XKR6: variants seen among roughly 807,000 people sequenced by gnomAD.
XKR6 encodes the protein XK-related protein 6.
XKR6 carries 22 observed loss-of-function variants against 56.7 expected under a neutral mutation model. The ratio of observed to expected loss-of-function variants is 0.39; its 90% confidence interval spans 0.28 to 0.55. The LOEUF is 0.55. Among genes scored for constraint, XKR6 ranks in the 20% least tolerant of loss-of-function variants. The probability of loss-of-function intolerance (pLI) is 0.66; values close to 1 mark genes in which losing one functional copy is unlikely to be tolerated. For synonymous variants in XKR6, 524 were observed against 387.8 expected, an observed-to-expected ratio of 1.35 and a Z score of -4.13; for missense variants, 852 against 889.0, an observed-to-expected ratio of 0.96 and a Z score of 0.53.
intron 1 of XKR6, among the ~76,000 whole-genome samples, chr8:11,098,467 C>T (rs749603995): frequency 6.6e-6 from 1 of 152,078 alleles, no homozygotes; most frequent in Non-Finnish European, 1.5e-5. Context: ...TTCTCACTCA[C>T]GGAATACGAG....
intron 2 of XKR6, among the ~76,000 whole-genome samples, chr8:10,899,436 C>T (rs552988620): frequency 3.0e-4 from 45 of 152,354 alleles, no homozygotes; most frequent in Non-Finnish European, 5.0e-4. Flanking sequence ...CCTCACCTCA[C>T]TCAAAGTCCC....
chr8:10,991,349 G>A (rs905825627), intron 1 of XKR6, among the ~76,000 whole-genome samples: 1 of 152,304 alleles, frequency 6.6e-6, no homozygotes, highest in East Asian at 1.9e-4. Flanking sequence ...AGCGTTCAAA[G>A]CTTTCCTGTA....
chr8:10,897,985 G>C lies in XKR6; in HGVS notation c.1893C>G (p.Leu631=). ...AAGACTCATACTGTAGCAACTCATA[G>C]AGGAGTGGTCCGTCTCGATATCGAA... The part of the protein sequence containing the change: ...VGIRYRDGPL[L]YELLQYESSL The change falls in exon 3 of 3, where the codon CTC becomes CTG. Residue 631 remains leucine (L), a synonymous_variant. Coordinates refer to ENST00000416569, the MANE Select transcript of XKR6 (RefSeq NM_173683.4). 1 of 1,603,918 alleles carries C rather than the reference G, an allele frequency of 6.2e-7. No homozygotes were observed.
chr8:11,001,496 T>C (rs1398178894), intron 1 of XKR6, among the ~76,000 whole-genome samples: 2 of 152,208 alleles, frequency 1.3e-5, no homozygotes, highest in Non-Finnish European at 2.9e-5. Context: ...TTTATCCCAA[T>C]TGAGCAGAAA....
chr8:11,181,469 T>G (rs1802978773), intron 1 of XKR6, among the ~76,000 whole-genome samples: 1 of 152,242 alleles, frequency 6.6e-6, no homozygotes, highest in Non-Finnish European at 1.5e-5. Flanking sequence ...ATAGTTTTCT[T>G]CTGGTTCCAC....
At chr8:11,091,127 G>A (rs949775043) in intron 1 of XKR6, among the ~76,000 whole-genome samples, 3 of 152,106 alleles carry the variant, frequency 2.0e-5, no homozygotes, top group African/African-American at 7.2e-5. Flanking sequence ...AAGGGCTATT[G>A]CTAGAGAAAA....
chr8:10,997,279 CAAGA>C (rs2129142028), intron 1 of XKR6, among the ~76,000 whole-genome samples: 1 of 152,306 alleles, frequency 6.6e-6, no homozygotes, highest in South Asian at 2.1e-4. Flanking sequence ...TTCTGTGCTC[CAAGA>C]ACTTGACCTG....
intron 1 of XKR6, among the ~76,000 whole-genome samples, chr8:11,165,183 T>A (rs1037285425): frequency 5.8e-4 from 76 of 130,824 alleles, no homozygotes; most frequent in African/African-American, 2.1e-3. Context: ...CACTGCAACC[T>A]CCGCCTCCCA....
At chr8:11,109,360 T>C (rs1798801266) in intron 1 of XKR6, 1 of 152,252 alleles carries the variant, frequency 6.6e-6, no homozygotes, top group Admixed American at 6.5e-5. Context: ...ATATCTAATA[T>C]ACTTATTTTT....
chr8:10,982,022 C>G (rs1467896821), intron 1 of XKR6, among the ~76,000 whole-genome samples: 1 of 152,222 alleles, frequency 6.6e-6, no homozygotes, highest in Non-Finnish European at 1.5e-5. Flanking sequence ...GCACTAAAGG[C>G]TGTGATCACC....
At chr8:11,157,614 C>T (rs1243582582) in intron 1 of XKR6, among the ~76,000 whole-genome samples, 1 of 152,052 alleles carries the variant, frequency 6.6e-6, no homozygotes, top group Non-Finnish European at 1.5e-5. Context: ...TTCCTGGACC[C>T]AAGGGATGCT....
chr8:10,958,148 A>G (rs760621819), intron 1 of XKR6, among the ~76,000 whole-genome samples: 6 of 152,150 alleles, frequency 3.9e-5, no homozygotes, highest in Non-Finnish European at 7.3e-5. Flanking sequence ...CTGTTTACCT[A>G]ATCCCTGAAT....
chr8:11,117,178 T>A (rs1035100061), intron 1 of XKR6, among the ~76,000 whole-genome samples: 2 of 152,260 alleles, frequency 1.3e-5, no homozygotes, highest in Non-Finnish European at 2.9e-5. Flanking sequence ...GACTGAATCT[T>A]TTTTGCAGAA....
intron 1 of XKR6, among the ~76,000 whole-genome samples, chr8:11,050,746 A>C (rs1799526118): frequency 6.6e-6 from 1 of 152,118 alleles, no homozygotes; most frequent in South Asian, 2.1e-4. Flanking sequence ...ACTCGCTTAC[A>C]TGCCCTCTGC....
At chr8:10,946,091 C>T (rs1342123847) in intron 1 of XKR6, among the ~76,000 whole-genome samples, 1 of 151,988 alleles carries the variant, frequency 6.6e-6, no homozygotes. Context: ...ACTTTGACCT[C>T]ACTCAAATTA....
chr8:11,144,902 G>A (rs1335753397), intron 1 of XKR6, among the ~76,000 whole-genome samples: 3 of 150,760 alleles, frequency 2.0e-5, no homozygotes, highest in Admixed American at 6.6e-5. Context: ...GGAAGGAGAA[G>A]GGGAAGGGGA....
chr8:11,062,852 A>G (rs577013632), intron 1 of XKR6: 1 of 456,188 alleles, frequency 2.2e-6, no homozygotes, highest in Non-Finnish European at 4.4e-6. Context: ...AGTTCTAGCC[A>G]ATGGGAGGTG....
chr8:11,179,020 C>CCTTTTTT (rs1802827651), intron 1 of XKR6, among the ~76,000 whole-genome samples: 1 of 104,520 alleles, frequency 9.6e-6, no homozygotes, highest in East Asian at 2.2e-4. Context: ...TTTTCTTTTT[C>CCTTTTTT]TTTTTTTTTT....
chr8:11,183,577 C>T (rs1178867163), intron 1 of XKR6, among the ~76,000 whole-genome samples: 1 of 152,072 alleles, frequency 6.6e-6, no homozygotes, highest in Admixed American at 6.5e-5. Context: ...CCCACCTCAG[C>T]ATCCCAAAGT....
Sources: gnomAD v4.1 joint callset for allele counts (sites outside exome capture counted in the v4.1 genomes callset) on GRCh38, gnomAD v4.1.1 for gene constraint, MANE v1.5 for transcripts, NCBI Gene and HGNC (gene_info 2026-07-23, HGNC 2026-07-21) for gene names.